The following NEK6 variants were observed in gnomAD, a reference collection of about 807,000 sequenced individuals.
The protein encoded by NEK6 is NIMA related kinase 6.
Under a neutral mutation model 43.5 loss-of-function variants are expected in NEK6, and 27 were observed. The ratio of observed to expected loss-of-function variants is 0.62; its 90% CI spans 0.46 to 0.86. The LOEUF is 0.86. Among genes scored for constraint, NEK6 ranks in the 40% least tolerant of loss-of-function variants. NEK6 has a pLI of 0.00. For missense variants in NEK6, 318 were observed against 414.4 expected, an observed-to-expected ratio of 0.77 and a Z score of 2.02; for synonymous variants, 167 against 164.1, an observed-to-expected ratio of 1.02 and a Z score of -0.14.
chr9:124,297,643 G>T (rs1832756726), intron 1 of NEK6, among the ~76,000 whole-genome samples: 1 of 152,238 alleles, frequency 6.6e-6, no homozygotes, highest in African/African-American at 2.4e-5. Context: ...CCCTCTTTGA[G>T]GTGGTGTTCA....
intron 7 of NEK6, among the ~76,000 whole-genome samples, chr9:124,333,571 G>A (rs912116546): frequency 1.3e-5 from 2 of 152,138 alleles, no homozygotes; most frequent in South Asian, 2.1e-4. Flanking sequence ...CTCACCGAGC[G>A]TCTGAAAGAG....
At chr9:124,316,053 A>G (rs1413428459) in intron 4 of NEK6, among the ~76,000 whole-genome samples, 1 of 152,260 alleles carries the variant, frequency 6.6e-6, no homozygotes, top group African/African-American at 2.4e-5. Context: ...CGCCAATGCC[A>G]GCCGCCTTCC....
intron 1 of NEK6, chr9:124,292,515 T>C (rs1832470134): frequency 1.3e-6 from 2 of 1,536,984 alleles, no homozygotes; most frequent in African/African-American, 2.7e-5. Context: ...TGGATGGGAT[T>C]CTAGATGCTC....
intron 1 of NEK6, among the ~76,000 whole-genome samples, chr9:124,268,776 G>A (rs959149859): frequency 2.6e-5 from 4 of 152,208 alleles, no homozygotes; most frequent in African/African-American, 7.2e-5. Context: ...ATGTGAGATC[G>A]CGTGGTTGGC....
intron 3 of NEK6, among the ~76,000 whole-genome samples, chr9:124,313,636 C>T (rs1405559208): frequency 1.3e-5 from 2 of 152,198 alleles, no homozygotes; most frequent in Non-Finnish European, 2.9e-5. Flanking sequence ...GCTGGGATTA[C>T]AGGTGTGAGC....
At chr9:124,297,792 A>G (rs558134489) in intron 1 of NEK6, among the ~76,000 whole-genome samples, 1 of 152,286 alleles carries the variant, frequency 6.6e-6, no homozygotes, top group East Asian at 1.9e-4. Flanking sequence ...TGTTACCCCG[A>G]GGTGCCTGCA....
chr9:124,311,561 T>G (rs1206457479), intron 2 of NEK6, among the ~76,000 whole-genome samples: 1 of 152,168 alleles, frequency 6.6e-6, no homozygotes, highest in Non-Finnish European at 1.5e-5. Flanking sequence ...GGAGGCTCCA[T>G]CCCTGGGCAG....
intron 1 of NEK6, among the ~76,000 whole-genome samples, chr9:124,261,853 C>G (rs1013101458): frequency 6.6e-6 from 1 of 152,156 alleles, no homozygotes; most frequent in African/African-American, 2.4e-5. Flanking sequence ...AATAATAGAT[C>G]TTGTGCGAAG....
intron 1 of NEK6, 161 bp downstream of exon 1, chr9:124,258,246 G>C (rs1401580064): frequency 1.0e-6 from 1 of 983,368 alleles, no homozygotes; most frequent in Non-Finnish European, 1.2e-6. Flanking sequence ...TGGCCGCGCG[G>C]GGCTGAGCGT....
chr9:124,282,327 T>C (rs1831949925), intron 1 of NEK6, among the ~76,000 whole-genome samples: 1 of 152,224 alleles, frequency 6.6e-6, no homozygotes, highest in South Asian at 2.1e-4. Flanking sequence ...CACATGGCCT[T>C]CTTCCTTGTG....
intron 1 of NEK6, among the ~76,000 whole-genome samples, chr9:124,295,769 C>T (rs924698115): frequency 4.6e-5 from 7 of 152,222 alleles, no homozygotes; most frequent in African/African-American, 1.7e-4. Context: ...AGCCAGTGTG[C>T]CTGGGCGTGG....
At chr9:124,327,747 T>C (rs1418680812) in intron 7 of NEK6, among the ~76,000 whole-genome samples, 1 of 152,210 alleles carries the variant, frequency 6.6e-6, no homozygotes, top group East Asian at 1.9e-4. Context: ...ATCTTCCCAC[T>C]GCTGTGAGTG....
intron 1 of NEK6, 174 bp downstream of exon 1, chr9:124,258,259 C>T: frequency 8.1e-6 from 8 of 983,500 alleles, no homozygotes; most frequent in Non-Finnish European, 8.4e-6. Context: ...CTGAGCGTGT[C>T]GGCGGCCGGG....
intron 1 of NEK6, chr9:124,292,231 C>A (rs1289542400): frequency 7.9e-7 from 1 of 1,258,918 alleles, no homozygotes; most frequent in Non-Finnish European, 1.0e-6. Flanking sequence ...TGCCACCCAC[C>A]GCTGGCTCAG....
intron 9 of NEK6, among the ~76,000 whole-genome samples, chr9:124,348,620 TA>T (rs113831505): frequency 0.014 from 2,184 of 152,288 alleles, 52 homozygotes; most frequent in African/African-American, 0.049. Context: ...AGGATCAGCA[TA>T]AGGATTAAGG....
chr9:124,295,045 T>C (rs1350924458), intron 1 of NEK6, among the ~76,000 whole-genome samples: 1 of 152,166 alleles, frequency 6.6e-6, no homozygotes, highest in African/African-American at 2.4e-5. Context: ...GTGGGCACCG[T>C]GTGGCCCCCA....
At chr9:124,283,740 C>T (rs77543987) in intron 1 of NEK6, among the ~76,000 whole-genome samples, 22,117 of 152,274 alleles carry the variant, frequency 0.15, 1,674 homozygotes, top group Non-Finnish European at 0.17. Flanking sequence ...TTTGCACGTG[C>T]CATGCCCTCT....
intron 7 of NEK6, among the ~76,000 whole-genome samples, chr9:124,331,269 A>AAAAC (rs1564653674): frequency 1.3e-5 from 2 of 148,822 alleles, no homozygotes; most frequent in African/African-American, 4.9e-5. Context: ...CAAAAAAAAA[A>AAAAC]AAAACAAAAC....
At position 124,352,058 on chromosome 9, in the gene NEK6, G is replaced by A. The variant is rs1351449974; in HGVS notation, c.*1111G>A. The A allele has an allele frequency of 6.6e-6, 1 of 152,670 alleles. No homozygotes were observed. The highest frequency in any genetic ancestry group is 1.5e-5 in the Non-Finnish European group (1 of 68,044). The allele number at this position is 152,670 out of a possible 1,614,324, so 9.5% of individuals were successfully genotyped here. A position where few individuals can be genotyped will look rare whatever the true frequency, so the allele number is the denominator to read the frequency against. ...GTTCCCAAACAGGATTAACTGTGAA[G>A]ACTAATTTATAAATGTGAACCTAAG... On this transcript the variant is annotated 3_prime_UTR_variant, in exon 10 of 10. Transcript: ENST00000320246.
Sources: gnomAD v4.1 joint callset for allele counts (sites outside exome capture counted in the v4.1 genomes callset) on GRCh38, gnomAD v4.1.1 for gene constraint, MANE v1.5 for transcripts, NCBI Gene and HGNC (gene_info 2026-07-23, HGNC 2026-07-21) for gene names.